Variants in PTPN3 observed in about 807,000 individuals in gnomAD.
PTPN3 encodes tyrosine-protein phosphatase non-receptor type 3.
Under a neutral mutation model 132.7 loss-of-function variants are expected in PTPN3, and 96 were observed. That is an observed-to-expected ratio of 0.72 (90% CI 0.61 to 0.86). The LOEUF (loss-of-function observed/expected upper bound fraction) is 0.86. Among genes scored for constraint, PTPN3 ranks in the 40% least tolerant of loss-of-function variants. PTPN3 has a pLI of 0.00. For synonymous variants in PTPN3, 398 were observed against 429.0 expected (o/e 0.93, Z 0.89); for missense variants, 1,125 against 1,159.6 (o/e 0.97, Z 0.43).
At chr9:109,485,673 C>T (rs1399486229) in intron 1 of PTPN3, among the ~76,000 whole-genome samples, 1 of 152,212 alleles carries the variant, frequency 6.6e-6, no homozygotes, top group Admixed American at 6.5e-5. Flanking sequence ...TCAGTTTCCA[C>T]ACTCATCTCC....
chr9:109,418,597 C>T lies in PTPN3; in HGVS notation c.1313+1827G>A, dbSNP rs76926004. Among the ~76,000 whole-genome samples the T allele has an allele frequency of 7.5e-3, 1,145 of 152,254 alleles. 7 individuals carry two copies. The highest frequency in any genetic ancestry group is 0.011 in the Non-Finnish European group (756 of 68,024). Reference sequence around the variant, plus strand: ...CCCTTTAAATGAACGATGGAATAAACGTGTTAGTCTAGATGAGTGCTGCTG... The same window carrying T: ...CCCTTTAAATGAACGATGGAATAAATGTGTTAGTCTAGATGAGTGCTGCTG... On this transcript the variant is annotated intron_variant, in intron 14 of 25. Coordinates refer to ENST00000374541, the MANE Select transcript of PTPN3 (RefSeq NM_002829.4).
chr9:109,379,487 G>A lies in PTPN3; in HGVS notation c.*69C>T, dbSNP rs1422547276. 8 of 1,414,680 alleles carry A rather than the reference G, an allele frequency of 5.7e-6. No individual in the cohort carries two copies. The African/African-American group carries it at 7.1e-5, about 13-fold the overall frequency. The allele number at this position is 1,414,680 out of a possible 1,614,324, so 87.6% of individuals were successfully genotyped here. On this transcript the variant is annotated 3_prime_UTR_variant, in exon 26 of 26. Coordinates refer to ENST00000374541, the MANE Select transcript of PTPN3 (RefSeq NM_002829.4). ...CTACTGGTTCCTCTTGCTGCTTCCAGAGAGGTCTGTCCTCCTCTTTCAAGG... is the reference window on the plus strand; with the variant it reads ...CTACTGGTTCCTCTTGCTGCTTCCAAAGAGGTCTGTCCTCCTCTTTCAAGG...
intron 1 of PTPN3, among the ~76,000 whole-genome samples, chr9:109,490,876 A>G (rs189209290): frequency 0.013 from 1,936 of 151,158 alleles, 37 homozygotes; most frequent in African/African-American, 0.045. Flanking sequence ...TTTGCTATAA[A>G]AAAGGACATC....
At chr9:109,486,950 TG>T (rs1398484066) in intron 1 of PTPN3, among the ~76,000 whole-genome samples, 1 of 152,162 alleles carries the variant, frequency 6.6e-6, no homozygotes, top group East Asian at 1.9e-4. Flanking sequence ...CCGCCATGAT[TG>T]TAAGTTTCCC....
chr9:109,404,958 G>T (rs530523916), intron 18 of PTPN3, among the ~76,000 whole-genome samples: 2 of 152,058 alleles, frequency 1.3e-5, no homozygotes, highest in Non-Finnish European at 2.9e-5. Flanking sequence ...TACCCATCCC[G>T]ACTCCCCTTT....
Position 109,463,352 on chromosome 9 carries a change from T to A in PTPN3, c.83A>T (p.Glu28Val), listed in dbSNP as rs757908209. The A allele has an allele frequency of 6.2e-7, 1 of 1,613,940 alleles. No individual in the cohort carries two copies. Among genetic ancestry groups the A allele is most frequent in the East Asian group, 2.2e-5 (1 of 44,842 alleles). The change falls in exon 2 of 26, where the codon GAA becomes GTA. Residue 28 changes from glutamate (E) to valine (V), a missense_variant. Glu to Val is a moderately radical substitution (Grantham distance 121). Coordinates refer to ENST00000374541, the MANE Select transcript of PTPN3 (RefSeq NM_002829.4). ...SELPKEKTRSEVICSIHFLDG... is the reference protein window; with the variant it reads ...SELPKEKTRSVVICSIHFLDG... Reference sequence around the variant, plus strand: ...TAAAAAGTGGATGCTGCAAATGACTTCTGATCGAGTTTTCTCTTTGGGTAA... The same window carrying A: ...TAAAAAGTGGATGCTGCAAATGACTACTGATCGAGTTTTCTCTTTGGGTAA...
chr9:109,491,252 T>G (rs1356277336), intron 1 of PTPN3, among the ~76,000 whole-genome samples: 2 of 152,042 alleles, frequency 1.3e-5, no homozygotes, highest in South Asian at 4.1e-4. Flanking sequence ...TAAACAATGT[T>G]GTATCACTAT....
the PTPN3 span, among the ~76,000 whole-genome samples, chr9:109,510,795 G>C: frequency 6.6e-6 from 1 of 151,414 alleles, no homozygotes; most frequent in African/African-American, 2.4e-5. Context: ...AGCATTCAAA[G>C]AGTGTAAGAC....
chr9:109,427,629 GT>G (rs1207772743), intron 11 of PTPN3, among the ~76,000 whole-genome samples: 2 of 152,158 alleles, frequency 1.3e-5, no homozygotes, highest in African/African-American at 2.4e-5. Flanking sequence ...TTCTGCATGA[GT>G]TTAGGTTTTC....
intron 25 of PTPN3, among the ~76,000 whole-genome samples, chr9:109,380,733 T>A (rs1276497892): frequency 3.3e-5 from 5 of 152,226 alleles, no homozygotes; most frequent in Non-Finnish European, 7.3e-5. Context: ...AAAAATTTAT[T>A]AGGGAAATCT....
At chr9:109,398,868 T>C (rs1194811939) in intron 19 of PTPN3, among the ~76,000 whole-genome samples, 1 of 152,216 alleles carries the variant, frequency 6.6e-6, no homozygotes, top group African/African-American at 2.4e-5. Flanking sequence ...AACATGTAGA[T>C]TAATCTCCAA....
chr9:109,483,314 A>G (rs1267165806), intron 1 of PTPN3, among the ~76,000 whole-genome samples: 2 of 152,148 alleles, frequency 1.3e-5, no homozygotes, highest in African/African-American at 4.8e-5. Flanking sequence ...CCAGTGCCCC[A>G]GCTCGGTGCT....
Position 109,457,227 on chromosome 9 carries a change from GA to G in PTPN3, c.247-13del. On this transcript the variant is annotated splice_polypyrimidine_tract_variant and intron_variant, in intron 3 of 25. Coordinates refer to ENST00000374541, the MANE Select transcript of PTPN3 (RefSeq NM_002829.4). Reference sequence around the variant, plus strand: ...GCTTCCAGCCATCTCTGTTGGACAAGAAAACATAAAATATAAAAGCAAACCG... The same window carrying G: ...GCTTCCAGCCATCTCTGTTGGACAAGAAACATAAAATATAAAAGCAAACCG... The G allele has an allele frequency of 1.2e-6, 2 of 1,613,670 alleles. No homozygotes were observed. The highest frequency in any genetic ancestry group is 1.7e-6 in the Non-Finnish European group (2 of 1,179,826).
At chr9:109,432,433 C>T (rs1241835323) in intron 10 of PTPN3, among the ~76,000 whole-genome samples, 2 of 152,276 alleles carry the variant, frequency 1.3e-5, no homozygotes, top group South Asian at 2.1e-4. Context: ...CCTGGCAATG[C>T]GTGCTACCCC....
At chr9:109,431,477 C>T (rs1843660213) in intron 10 of PTPN3, among the ~76,000 whole-genome samples, 1 of 152,220 alleles carries the variant, frequency 6.6e-6, no homozygotes, top group Non-Finnish European at 1.5e-5. Context: ...GATCTTAGTC[C>T]TGAGTGGGCC....
At chr9:109,389,180 A>T in intron 22 of PTPN3, 53 bp downstream of exon 22, 1 of 1,595,668 alleles carries the variant, frequency 6.3e-7, no homozygotes. Flanking sequence ...TTCATGTTAC[A>T]CAGAGTAGGG....
the PTPN3 span, among the ~76,000 whole-genome samples, chr9:109,510,172 A>G: frequency 6.6e-6 from 1 of 152,234 alleles, no homozygotes; most frequent in African/African-American, 2.4e-5. Flanking sequence ...TAAAGAAAAG[A>G]TATGAACCCC....
chr9:109,399,773 C>T (rs1401784314), intron 19 of PTPN3, among the ~76,000 whole-genome samples: 2 of 151,942 alleles, frequency 1.3e-5, no homozygotes, highest in African/African-American at 4.8e-5. Context: ...GGTGTGGACA[C>T]CTGCAGTGGG....
chr9:109,469,373 C>T (rs1846256619), intron 1 of PTPN3, among the ~76,000 whole-genome samples: 1 of 152,196 alleles, frequency 6.6e-6, no homozygotes, highest in Non-Finnish European at 1.5e-5. Context: ...ATTCCCAGCA[C>T]TTTGGGAGGC....
Sources: gnomAD v4.1 joint callset for allele counts (sites outside exome capture counted in the v4.1 genomes callset) on GRCh38, gnomAD v4.1.1 for gene constraint, MANE v1.5 for transcripts, NCBI Gene and HGNC (gene_info 2026-07-23, HGNC 2026-07-21) for gene names.